SDK1: variants seen among roughly 807,000 people sequenced by gnomAD.
SDK1 encodes sidekick cell adhesion molecule 1, also known as protein sidekick-1.
A neutral mutation model predicts 245.5 loss-of-function variants in SDK1; 157 were observed. That is an observed-to-expected ratio of 0.64 (90% confidence interval 0.56 to 0.73). The LOEUF (loss-of-function observed/expected upper bound fraction) is 0.73. Among genes scored for constraint, SDK1 ranks in the 30% least tolerant of loss-of-function variants. SDK1 has a pLI of 0.00. For synonymous variants in SDK1, 1,647 were observed against 1,278.5 expected, an observed-to-expected ratio of 1.29 and a Z score of -6.15; for missense variants, 3,583 against 3,002.3, an observed-to-expected ratio of 1.19 and a Z score of -4.52.
chr7:3,628,002 C>A (rs1036611932), intron 2 of SDK1, among the ~76,000 whole-genome samples: 2 of 152,128 alleles, frequency 1.3e-5, no homozygotes, highest in Non-Finnish European at 2.9e-5. Context: ...CAAATCTCTC[C>A]CTATTCAAAG....
intron 1 of SDK1, among the ~76,000 whole-genome samples, chr7:3,575,152 A>T (rs2178626): frequency 0.17 from 25,586 of 152,002 alleles, 2,629 homozygotes; most frequent in East Asian, 0.35. Context: ...CTGGGAAATC[A>T]GAGTTCAAAG....
intron 28 of SDK1, among the ~76,000 whole-genome samples, chr7:4,140,071 C>G (rs1779470982): frequency 6.6e-6 from 1 of 152,108 alleles, no homozygotes; most frequent in African/African-American, 2.4e-5. Flanking sequence ...GTGCCTTGTC[C>G]CCCTGTCACC....
intron 13 of SDK1, among the ~76,000 whole-genome samples, chr7:3,984,895 G>T (rs962517714): frequency 6.6e-6 from 1 of 152,198 alleles, no homozygotes; most frequent in African/African-American, 2.4e-5. Context: ...TCTCTGTGCA[G>T]GCCAGTGCAT....
At chr7:3,942,905 G>T (rs1562554520) in intron 5 of SDK1, among the ~76,000 whole-genome samples, 2 of 152,160 alleles carry the variant, frequency 1.3e-5, no homozygotes, top group Non-Finnish European at 2.9e-5. Context: ...GAGTCTCATG[G>T]CTCAGGGAGA....
chr7:3,986,794 A>T (rs975132096), intron 13 of SDK1, among the ~76,000 whole-genome samples: 1 of 152,224 alleles, frequency 6.6e-6, no homozygotes, highest in Non-Finnish European at 1.5e-5. Flanking sequence ...CAGGAGGCGG[A>T]GGTTGCAGTG....
At chr7:3,756,857 T>C (rs571697314) in intron 4 of SDK1, among the ~76,000 whole-genome samples, 1 of 152,322 alleles carries the variant, frequency 6.6e-6, no homozygotes, top group Admixed American at 6.5e-5. Flanking sequence ...AAGGACCCTT[T>C]TGATGATATC....
chr7:3,822,794 G>T (rs1310702742), intron 5 of SDK1, among the ~76,000 whole-genome samples: 4 of 151,434 alleles, frequency 2.6e-5, no homozygotes, highest in African/African-American at 9.7e-5. Flanking sequence ...AAAAAGAAAA[G>T]TATGTGGGAT....
chr7:3,773,999 G>C (rs745622685), intron 4 of SDK1, among the ~76,000 whole-genome samples: 9 of 152,080 alleles, frequency 5.9e-5, no homozygotes, highest in Non-Finnish European at 8.8e-5. Flanking sequence ...TGGATCACGA[G>C]GTCAGGAGAT....
Position 4,120,016 on chromosome 7 carries a change from A to G in SDK1, c.3823+5742A>G, listed in dbSNP as rs138771725. ...TAGAAAAAATAAATGGGACACAGTC[A>G]TTGAAAATGAAAGCAGTTTAGACAC... On this transcript the variant is annotated intron_variant, in intron 25 of 44. Transcript: ENST00000404826. Among the ~76,000 whole-genome samples, 504 of 149,364 alleles carry G rather than the reference A, an allele frequency of 3.4e-3. 37 individuals carry two copies. Among genetic ancestry groups the G allele is most frequent in the African/African-American group, 0.012 (479 of 40,984 alleles).
intron 4 of SDK1, among the ~76,000 whole-genome samples, chr7:3,790,494 T>C (rs1315232029): frequency 6.6e-6 from 1 of 152,006 alleles, no homozygotes; most frequent in Non-Finnish European, 1.5e-5. Flanking sequence ...CAGAGGCAAA[T>C]ACCAGATCAC....
chr7:3,876,070 T>G (rs1044286778), intron 5 of SDK1, among the ~76,000 whole-genome samples: 1 of 152,190 alleles, frequency 6.6e-6, no homozygotes, highest in Non-Finnish European at 1.5e-5. Flanking sequence ...GCTCTTCCAC[T>G]GCAGGTGCTC....
chr7:4,098,198 C>T (rs766871746), intron 22 of SDK1, among the ~76,000 whole-genome samples: 2 of 152,120 alleles, frequency 1.3e-5, no homozygotes, highest in African/African-American at 4.8e-5. Flanking sequence ...TATTATGGGA[C>T]CTTTAAAACT....
intron 36 of SDK1, among the ~76,000 whole-genome samples, chr7:4,207,190 G>T (rs1205555228): frequency 6.6e-6 from 1 of 152,302 alleles, no homozygotes; most frequent in South Asian, 2.1e-4. Flanking sequence ...GGTGTGCGAG[G>T]CAGGCGTGCC....
At chr7:3,396,279 T>G (rs1029178605) in intron 1 of SDK1, among the ~76,000 whole-genome samples, 4 of 151,928 alleles carry the variant, frequency 2.6e-5, no homozygotes, top group Non-Finnish European at 5.9e-5. Context: ...TTTAATCCTT[T>G]TAAATCTGCT....
rs187251796 is a variant in SDK1 at position 4,210,512 on chromosome 7, G to A, written c.5539+350G>A. Among the ~76,000 whole-genome samples, 78 of 152,150 alleles carry A rather than the reference G, an allele frequency of 5.1e-4. 1 individual carries two copies. The highest frequency in any genetic ancestry group is 1.8e-3 in the African/African-American group (75 of 41,494). ...CTCCCGAGATGTTTGTCCTGTGGTC[G>A]CCGACAGAGACCACCCAGGGTTCCA... On this transcript the variant is annotated intron_variant, in intron 38 of 44. Transcript: ENST00000404826.
intron 1 of SDK1, among the ~76,000 whole-genome samples, chr7:3,560,667 C>T (rs903077762): frequency 1.3e-5 from 2 of 152,098 alleles, no homozygotes; most frequent in South Asian, 4.2e-4. Context: ...GCAGGTGGCA[C>T]CCTTCTCAGC....
At chr7:3,552,029 C>CTCTTCT (rs542552208) in intron 1 of SDK1, among the ~76,000 whole-genome samples, 3 of 151,562 alleles carry the variant, frequency 2.0e-5, no homozygotes, top group Non-Finnish European at 2.9e-5. Context: ...AAAGATTTTA[C>CTCTTCT]TCTTCTTCTT....
intron 1 of SDK1, among the ~76,000 whole-genome samples, chr7:3,363,666 A>C (rs1023177362): frequency 6.6e-6 from 1 of 152,178 alleles, no homozygotes; most frequent in Non-Finnish European, 1.5e-5. Flanking sequence ...AGGTTTTCAC[A>C]AGAAGCACGC....
intron 5 of SDK1, among the ~76,000 whole-genome samples, chr7:3,919,649 C>T (rs923588881): frequency 5.3e-5 from 8 of 152,150 alleles, no homozygotes; most frequent in African/African-American, 7.2e-5. Context: ...GCTCTTAGAG[C>T]GCTTAAAGAT....
Sources: allele counts gnomAD v4.1 joint callset (sites outside exome capture counted in the v4.1 genomes callset), GRCh38; gene constraint gnomAD v4.1.1; transcripts MANE v1.5; gene names NCBI Gene and HGNC (gene_info 2026-07-23, HGNC 2026-07-21).